Variants in ADARB2 observed in about 807,000 individuals in gnomAD.
ADARB2 encodes adenosine deaminase RNA specific B2 (inactive), also known as inactive double-stranded RNA-specific editase B2.
In ADARB2, 25 loss-of-function variants were observed where a neutral mutation model predicts 62.2. The observed-to-expected ratio is 0.40, with a 90% confidence interval of 0.29 to 0.56. ADARB2 has a LOEUF of 0.56. ADARB2 is among the 20% of genes least tolerant of loss of function. ADARB2 has a pLI of 0.43. For missense variants in ADARB2, 1,071 were observed against 1,077.4 expected (o/e 0.99, Z 0.08); for synonymous variants, 572 against 500.8 (o/e 1.14, Z -1.90).
intron 1 of ADARB2, among the ~76,000 whole-genome samples, chr10:1,570,707 A>T (rs776172721): frequency 2.6e-5 from 4 of 152,176 alleles, no homozygotes; most frequent in Non-Finnish European, 5.9e-5. Flanking sequence ...GACCAAAGTG[A>T]GTCCTGCTAG....
chr10:1,602,689 TG>T (rs1564343890), intron 1 of ADARB2, among the ~76,000 whole-genome samples: 12 of 25,022 alleles, frequency 4.8e-4, no homozygotes, highest in African/African-American at 1.8e-3. Context: ...CACACACACC[TG>T]TACATACACA....
chr10:1,335,309 G>C (rs1481091044), intron 3 of ADARB2, among the ~76,000 whole-genome samples: 1 of 150,850 alleles, frequency 6.6e-6, no homozygotes, highest in Admixed American at 6.6e-5. Flanking sequence ...GAGATATGCA[G>C]GGATGGAGGG....
chr10:1,687,819 A>G (rs563244496), intron 1 of ADARB2, among the ~76,000 whole-genome samples: 1 of 151,930 alleles, frequency 6.6e-6, no homozygotes, highest in Non-Finnish European at 1.5e-5. Context: ...CCGGGGGGGA[A>G]AACCACCCAC....
chr10:1,338,714 A>G (rs1831996085), intron 3 of ADARB2, among the ~76,000 whole-genome samples: 1 of 152,298 alleles, frequency 6.6e-6, no homozygotes, highest in Non-Finnish European at 1.5e-5. Flanking sequence ...TCACCCCCCG[A>G]CATTTTGGCA....
intron 7 of ADARB2, among the ~76,000 whole-genome samples, chr10:1,208,303 C>T (rs1837096678): frequency 6.6e-6 from 1 of 152,226 alleles, no homozygotes; most frequent in Non-Finnish European, 1.5e-5. Flanking sequence ...GATGTTCCCC[C>T]AGTTCTGGAG....
chr10:1,449,360 A>G (rs1200574353), intron 1 of ADARB2, among the ~76,000 whole-genome samples: 1 of 152,098 alleles, frequency 6.6e-6, no homozygotes, highest in Admixed American at 6.5e-5. Flanking sequence ...ATCAGCCTAT[A>G]TCATTCAGCT....
chr10:1,389,701 C>T (rs1425376096), intron 1 of ADARB2, among the ~76,000 whole-genome samples: 1 of 151,752 alleles, frequency 6.6e-6, no homozygotes, highest in African/African-American at 2.4e-5. Flanking sequence ...TGAGATCGTG[C>T]CACCGCACTC....
chr10:1,432,743 T>C (rs1262977265), intron 1 of ADARB2, among the ~76,000 whole-genome samples: 2 of 151,310 alleles, frequency 1.3e-5, no homozygotes, highest in African/African-American at 4.8e-5. Flanking sequence ...ATTCAAAGAA[T>C]CAATGCAAAG....
At chr10:1,329,451 C>T (rs530477329) in intron 3 of ADARB2, among the ~76,000 whole-genome samples, 98 of 152,324 alleles carry the variant, frequency 6.4e-4, no homozygotes, top group African/African-American at 2.1e-3. Context: ...TGTCCATGTG[C>T]GAAGGCTGTG....
At chr10:1,573,901 C>G (rs1832973322) in intron 1 of ADARB2, among the ~76,000 whole-genome samples, 1 of 152,206 alleles carries the variant, frequency 6.6e-6, no homozygotes, top group African/African-American at 2.4e-5. Context: ...AAGATGGCCG[C>G]TGGGCAGGAC....
At chr10:1,376,188 T>G (rs903045956) in intron 2 of ADARB2, among the ~76,000 whole-genome samples, 1 of 152,240 alleles carries the variant, frequency 6.6e-6, no homozygotes, top group East Asian at 1.9e-4. Flanking sequence ...AAGGGAGGGC[T>G]GATTCATTTG....
At chr10:1,707,189 G>A (rs1173230607) in intron 1 of ADARB2, among the ~76,000 whole-genome samples, 2 of 152,188 alleles carry the variant, frequency 1.3e-5, no homozygotes, top group Non-Finnish European at 2.9e-5. Context: ...TCCTGCACCG[G>A]CGCACAGCTC....
intron 4 of ADARB2, among the ~76,000 whole-genome samples, chr10:1,264,868 G>A (rs895382363): frequency 1.3e-5 from 2 of 152,188 alleles, no homozygotes; most frequent in African/African-American, 4.8e-5. Flanking sequence ...GAGCGATAAA[G>A]CTGGACCTTA....
chr10:1,489,848 C>G lies in ADARB2; in HGVS notation c.101-110688G>C, dbSNP rs149755535. ...GGATCAAACACTCTTGGGTGTCTCT[C>G]TTGGGTGAAATATCTGGTGAGCCTG... On this transcript the variant is annotated intron_variant, in intron 1 of 9. Transcript: ENST00000381312. Among the ~76,000 whole-genome samples, 842 of 152,172 alleles carry G rather than the reference C, an allele frequency of 5.5e-3. 8 individuals are homozygous for G. The highest frequency in any genetic ancestry group is 0.02 in the African/African-American group (813 of 41,520).
chr10:1,603,155 ACACACATTAACACACACACACCTG>A (rs1833448332), intron 1 of ADARB2, among the ~76,000 whole-genome samples: 1 of 86,606 alleles, frequency 1.2e-5, no homozygotes, highest in African/African-American at 3.6e-5. Context: ...ACACACCTGT[ACACACATTAACACACACACACCTG>A]TACACACATT....
At chr10:1,518,503 C>T (rs1832034459) in intron 1 of ADARB2, among the ~76,000 whole-genome samples, 1 of 152,224 alleles carries the variant, frequency 6.6e-6, no homozygotes, top group South Asian at 2.1e-4. Flanking sequence ...TCAGATGGAG[C>T]CTTCCATGTA....
intron 3 of ADARB2, among the ~76,000 whole-genome samples, chr10:1,293,226 C>CAGA (rs1831490885): frequency 1.6e-5 from 1 of 60,922 alleles, no homozygotes. Context: ...GAGAGAGGGA[C>CAGA]GGGGAGGGAG....
chr10:1,501,784 A>C lies in ADARB2; in HGVS notation c.101-122624T>G, dbSNP rs548938127. Among the ~76,000 whole-genome samples the C allele has an allele frequency of 5.9e-5, 9 of 152,332 alleles. No individual in the cohort carries two copies. The South Asian group carries it at 1.9e-3, about 32-fold the overall frequency. ...ATCATTTCTCCCCACTGGGCATTTC[A>C]GGAGGATTAGAAAACAGAATTCTTT... On this transcript the variant is annotated intron_variant, in intron 1 of 9. Coordinates refer to ENST00000381312, the MANE Select transcript of ADARB2 (RefSeq NM_018702.4).
chr10:1,508,395 C>G (rs188628316), intron 1 of ADARB2, among the ~76,000 whole-genome samples: 134 of 152,336 alleles, frequency 8.8e-4, no homozygotes, highest in African/African-American at 3.2e-3. Flanking sequence ...TGGGGAGAAC[C>G]CAGTAAACCT....
Sources: allele counts gnomAD v4.1 joint callset (sites outside exome capture counted in the v4.1 genomes callset), GRCh38; gene constraint gnomAD v4.1.1; transcripts MANE v1.5; gene names NCBI Gene and HGNC (gene_info 2026-07-23, HGNC 2026-07-21).